The following VKORC1L1 variants were observed in gnomAD, a reference collection of about 807,000 sequenced individuals.
VKORC1L1 encodes vitamin K epoxide reductase complex subunit 1L1.
In VKORC1L1, 2 loss-of-function variants were observed where a neutral mutation model predicts 18.9. The ratio of observed to expected loss-of-function variants is 0.11; its 90% confidence interval spans 0.04 to 0.33. VKORC1L1 has a LOEUF of 0.33. Ranked by LOEUF, VKORC1L1 falls within the 10% of genes least tolerant of loss-of-function variation. The probability of loss-of-function intolerance (pLI) is 1.00; values close to 1 mark genes in which losing one functional copy is unlikely to be tolerated. For missense variants in VKORC1L1, 123 were observed against 224.1 expected, an observed-to-expected ratio of 0.55 and a Z score of 2.88; for synonymous variants, 96 against 100.0, an observed-to-expected ratio of 0.96 and a Z score of 0.24.
intron 1 of VKORC1L1, among the ~76,000 whole-genome samples, chr7:65,939,066 AACAGG>A (rs1280010486): frequency 6.6e-6 from 1 of 152,338 alleles, no homozygotes; most frequent in East Asian, 1.9e-4. Context: ...GGTGGCATTA[AACAGG>A]ACACCGAAGA....
intron 2 of VKORC1L1, among the ~76,000 whole-genome samples, chr7:65,951,010 G>A (rs1206232694): frequency 2.0e-5 from 3 of 152,222 alleles, no homozygotes; most frequent in Non-Finnish European, 4.4e-5. Context: ...AGATAGAGGT[G>A]TGACAGCCAA....
At chr7:65,908,791 C>T (rs1379068023) in intron 1 of VKORC1L1, among the ~76,000 whole-genome samples, 4 of 139,066 alleles carry the variant, frequency 2.9e-5, no homozygotes, top group East Asian at 2.2e-4. Context: ...GAGCCAAGAT[C>T]GTGCCAGTGC....
At chr7:65,928,857 G>A (rs924671503) in intron 1 of VKORC1L1, among the ~76,000 whole-genome samples, 1 of 152,214 alleles carries the variant, frequency 6.6e-6, no homozygotes, top group Admixed American at 6.5e-5. Flanking sequence ...CACCAGCAAT[G>A]TGTGAGAGTT....
Position 65,914,594 on chromosome 7 carries a change from G to A in VKORC1L1, c.195-34077G>A, listed in dbSNP as rs530516183. 3.9e-5 allele frequency among the ~76,000 whole-genome samples: 6 copies of A among 152,318 alleles called. No homozygotes were observed. In the East Asian group the frequency reaches 1.2e-3, roughly 29 times the overall value. Reference sequence around the variant, plus strand: ...AGCCCATATACCATGGAGTCCAAGAGAGTGGTAACAGCATTCTTTCTGCTT... The same window carrying A: ...AGCCCATATACCATGGAGTCCAAGAAAGTGGTAACAGCATTCTTTCTGCTT... On this transcript the variant is annotated intron_variant, in intron 1 of 2. Coordinates refer to ENST00000360768, the MANE Select transcript of VKORC1L1 (RefSeq NM_173517.6).
intron 1 of VKORC1L1, among the ~76,000 whole-genome samples, chr7:65,887,267 A>G (rs939109791): frequency 2.6e-5 from 4 of 152,142 alleles, no homozygotes; most frequent in Middle Eastern, 3.2e-3. Context: ...AAAATTTACT[A>G]AAGAAACCCA....
At chr7:65,879,786 G>T (rs189903543) in intron 1 of VKORC1L1, among the ~76,000 whole-genome samples, 9 of 123,972 alleles carry the variant, frequency 7.3e-5, no homozygotes, top group South Asian at 2.5e-4. Flanking sequence ...TTCCTCCTTC[G>T]TTCCTTGCTT....
chr7:65,884,529 T>A (rs1045816381), intron 1 of VKORC1L1, among the ~76,000 whole-genome samples: 3 of 152,054 alleles, frequency 2.0e-5, no homozygotes, highest in Admixed American at 2.0e-4. Context: ...CCCAGCTACT[T>A]GGGAAGCTGA....
intron 1 of VKORC1L1, among the ~76,000 whole-genome samples, chr7:65,904,290 C>T (rs1789368307): frequency 6.6e-6 from 1 of 152,092 alleles, no homozygotes; most frequent in Non-Finnish European, 1.5e-5. Flanking sequence ...CTCACTGCAA[C>T]CCCTGCCTCC....
chr7:65,911,274 T>C (rs1789497414), intron 1 of VKORC1L1, among the ~76,000 whole-genome samples: 1 of 152,254 alleles, frequency 6.6e-6, no homozygotes, highest in South Asian at 2.1e-4. Flanking sequence ...TTCTCTAGTT[T>C]AACTCATGTT....
chr7:65,889,474 C>A (rs182134719), intron 1 of VKORC1L1, among the ~76,000 whole-genome samples: 2,001 of 152,308 alleles, frequency 0.013, 35 homozygotes, highest in East Asian at 0.086. Flanking sequence ...CCTCCCCCAC[C>A]AAATTCAATC....
At chr7:65,872,855 CG>C (rs1414106428), upstream of VKORC1L1, among the ~76,000 whole-genome samples, 4 of 152,084 alleles carry the variant, frequency 2.6e-5, no homozygotes, top group Admixed American at 2.0e-4. Context: ...AGGGAGGGGC[CG>C]AGGGTTCGCC....
intron 1 of VKORC1L1, among the ~76,000 whole-genome samples, chr7:65,921,226 A>G (rs1226304289): frequency 6.6e-6 from 1 of 152,126 alleles, no homozygotes; most frequent in Non-Finnish European, 1.5e-5. Flanking sequence ...GACCTTTTAT[A>G]TGTTCAATTT....
intron 1 of VKORC1L1, among the ~76,000 whole-genome samples, chr7:65,913,045 G>A (rs1789525891): frequency 6.6e-6 from 1 of 152,130 alleles, no homozygotes; most frequent in Non-Finnish European, 1.5e-5. Flanking sequence ...AGGGAGGTGT[G>A]GGTATCTCAG....
chr7:65,899,463 A>G (rs1295705264), intron 1 of VKORC1L1, among the ~76,000 whole-genome samples: 1 of 152,196 alleles, frequency 6.6e-6, no homozygotes, highest in Non-Finnish European at 1.5e-5. Flanking sequence ...AGCCCTCTGC[A>G]GTAATGTTTT....
chr7:65,890,124 ATTTTTTTT>A (rs35228954), intron 1 of VKORC1L1, among the ~76,000 whole-genome samples: 2 of 90,472 alleles, frequency 2.2e-5, no homozygotes, highest in Non-Finnish European at 4.4e-5. Context: ...CACCTGGGTA[ATTTTTTTT>A]TTTTTTTTTT....
chr7:65,918,207 A>G (rs1265554004), intron 1 of VKORC1L1, among the ~76,000 whole-genome samples: 1 of 152,248 alleles, frequency 6.6e-6, no homozygotes, highest in Non-Finnish European at 1.5e-5. Context: ...TATAAATGGA[A>G]TCAAACATTG....
chr7:65,921,919 C>G (rs1261407146), intron 1 of VKORC1L1, among the ~76,000 whole-genome samples: 1 of 152,080 alleles, frequency 6.6e-6, no homozygotes, highest in African/African-American at 2.4e-5. Context: ...AACTCCTGGC[C>G]TCGGGGATTC....
upstream of VKORC1L1, among the ~76,000 whole-genome samples, chr7:65,868,217 G>A (rs1188209991): frequency 6.6e-6 from 1 of 152,166 alleles, no homozygotes; most frequent in Admixed American, 6.6e-5. Context: ...CACTTTGAGA[G>A]GCTGAGGTGG....
chr7:65,943,049 GA>G (rs1277090059), intron 1 of VKORC1L1, among the ~76,000 whole-genome samples: 6 of 152,240 alleles, frequency 3.9e-5, no homozygotes, highest in South Asian at 2.1e-4. Context: ...GGGGGATAGG[GA>G]AATGAAAGTC....
Sources: gnomAD v4.1 joint callset for allele counts (sites outside exome capture counted in the v4.1 genomes callset) on GRCh38, gnomAD v4.1.1 for gene constraint, MANE v1.5 for transcripts, NCBI Gene and HGNC (gene_info 2026-07-23, HGNC 2026-07-21) for gene names.